Variants in ECM2 observed in about 807,000 individuals in gnomAD.
The protein encoded by ECM2 is extracellular matrix protein 2.
ECM2 carries 57 observed loss-of-function variants against 67.5 expected under a neutral mutation model. The observed-to-expected ratio is 0.84, with a 90% CI of 0.68 to 1.05. ECM2 has a LOEUF of 1.05. Among genes scored for constraint, ECM2 ranks in the 50% least tolerant of loss-of-function variants. The pLI, the probability that ECM2 is intolerant of heterozygous loss-of-function variation, is 0.00. For missense variants in ECM2, 741 were observed against 822.8 expected (o/e 0.90, Z 1.22); for synonymous variants, 258 against 294.5 (o/e 0.88, Z 1.27).
intron 1 of ECM2, among the ~76,000 whole-genome samples, chr9:92,526,593 C>A (rs1848424996): frequency 6.7e-6 from 1 of 148,448 alleles, no homozygotes; most frequent in African/African-American, 2.5e-5. Context: ...GAATAGAAAC[C>A]AAAAAAACTA....
Position 92,495,500 on chromosome 9 carries a change from T to C in ECM2, c.*815A>G, listed in dbSNP as rs1165982711. 4 of 982,984 alleles carry C rather than the reference T, an allele frequency of 4.1e-6. No individual in the cohort carries two copies. Among genetic ancestry groups the C allele is most frequent in the Non-Finnish European group, 4.8e-6 (4 of 827,756 alleles). The allele number at this position is 982,984 out of a possible 1,614,324, so 60.9% of individuals were successfully genotyped here. On this transcript the variant is annotated 3_prime_UTR_variant, in exon 10 of 10. Transcript: ENST00000344604. ...CATTAGATTTACCTTTACAAGGTTA[T>C]AGTCAAGAATAATTAATTTGTATTT...
chr9:92,545,534 C>T, the ECM2 span, among the ~76,000 whole-genome samples: 3 of 80,674 alleles, frequency 3.7e-5, no homozygotes, highest in Non-Finnish European at 6.4e-5. Flanking sequence ...GCCTCCCGCC[C>T]CGCCGGGCCC....
At chr9:92,504,893 C>A (rs1395418608) in intron 7 of ECM2, among the ~76,000 whole-genome samples, 1 of 152,110 alleles carries the variant, frequency 6.6e-6, no homozygotes, top group African/African-American at 2.4e-5. Context: ...CAGCCAAAGA[C>A]CCCCAGGAGC....
In ECM2 at chr9:92,518,002, G is replaced by A; in HGVS notation, c.293-127C>T. On this transcript the variant is annotated intron_variant, in intron 2 of 9. Transcript: ENST00000344604. ...AGAATAGAATTCTATGTGCATTCAT[G>A]TATAGGGTAAAGATGTCGTATAGAC... 4 of 1,098,156 alleles carry A rather than the reference G, an allele frequency of 3.6e-6. No homozygotes were observed. In the Middle Eastern group the frequency reaches 6.9e-4, roughly 191 times the overall value. 68.0% of individuals were successfully genotyped at this position (1,098,156 alleles called of 1,614,324 possible). A position where few individuals can be genotyped will look rare whatever the true frequency, so the allele number is the denominator to read the frequency against.
chr9:92,509,018 G>A (rs1588200786), intron 6 of ECM2, among the ~76,000 whole-genome samples: 1 of 151,844 alleles, frequency 6.6e-6, no homozygotes, highest in South Asian at 2.1e-4. Flanking sequence ...TAGAATTCAT[G>A]AAAAGTAAAA....
chr9:92,518,162 A>G (rs1319744827), intron 2 of ECM2, among the ~76,000 whole-genome samples: 2 of 152,204 alleles, frequency 1.3e-5, no homozygotes, highest in Non-Finnish European at 2.9e-5. Context: ...ATTAAATTAT[A>G]CAACATCAAC....
intron 1 of ECM2, among the ~76,000 whole-genome samples, chr9:92,534,823 C>T (rs73522343): frequency 0.012 from 1,758 of 152,278 alleles, 43 homozygotes; most frequent in African/African-American, 0.04. Flanking sequence ...CTCTGCAATG[C>T]ATGAAATGTA....
chr9:92,496,272 A>C lies in ECM2; in HGVS notation c.*43T>G. 1 of 1,537,532 alleles carries C rather than the reference A, an allele frequency of 6.5e-7. No homozygotes were observed. Among genetic ancestry groups the C allele is most frequent in the Non-Finnish European group, 8.7e-7 (1 of 1,151,812 alleles). On this transcript the variant is annotated 3_prime_UTR_variant, in exon 10 of 10. Transcript: ENST00000344604. ...ATTAATGACAAATGCAGCTACTACA[A>C]ATACATGAGTAAAGTTTATAAACAG...
intron 7 of ECM2, 77 bp from the exon 8 acceptor site, chr9:92,502,729 G>C: frequency 1.7e-6 from 2 of 1,172,276 alleles, no homozygotes; most frequent in South Asian, 3.1e-5. Context: ...CTAAAATAGT[G>C]ACATAGACTA....
chr9:92,547,585 T>C, the ECM2 span, among the ~76,000 whole-genome samples: 3 of 152,230 alleles, frequency 2.0e-5, no homozygotes, highest in South Asian at 2.1e-4. Flanking sequence ...TTGAATGATT[T>C]CATTCGTATG....
the ECM2 span, among the ~76,000 whole-genome samples, chr9:92,543,502 A>G: frequency 2.0e-4 from 26 of 128,400 alleles, no homozygotes; most frequent in African/African-American, 7.6e-4. Context: ...AAAAAAAAAG[A>G]TTGCATTAGC....
the ECM2 span, among the ~76,000 whole-genome samples, chr9:92,549,664 C>CA: frequency 2.8e-4 from 40 of 145,144 alleles, 2 homozygotes; most frequent in South Asian, 8.6e-3. Flanking sequence ...AAAAACAAAA[C>CA]AAAACAAAAC....
intron 8 of ECM2, 114 bp from the exon 9 acceptor site, chr9:92,501,167 T>C: frequency 9.6e-7 from 1 of 1,038,124 alleles, no homozygotes; most frequent in Non-Finnish European, 1.4e-6. Context: ...GCACCCAGTT[T>C]GTAGTGATGA....
At chr9:92,516,578 A>G (rs1847738608) in intron 3 of ECM2, 1 of 152,226 alleles carries the variant, frequency 6.6e-6, no homozygotes, top group South Asian at 2.1e-4. Flanking sequence ...GGAAAAAGTT[A>G]GTAAAAGGAA....
chr9:92,513,946 G>A lies in ECM2; in HGVS notation c.1054+685C>T, dbSNP rs186307017. Among the ~76,000 whole-genome samples, 40 of 152,296 alleles carry A rather than the reference G, an allele frequency of 2.6e-4. No homozygotes were observed. In the East Asian group the frequency reaches 7.1e-3, roughly 27 times the overall value. On this transcript the variant is annotated intron_variant, in intron 4 of 9. Coordinates refer to ENST00000344604, the MANE Select transcript of ECM2 (RefSeq NM_001393.4). ...TAAAGCTGATTTTTAAGAAACATCA[G>A]TAGGAAATCATCATTTGATTTGGAG...
At chr9:92,551,930 T>TATATATATATATATATATATATG in the ECM2 span, among the ~76,000 whole-genome samples, 3 of 69,530 alleles carry the variant, frequency 4.3e-5, no homozygotes, top group African/African-American at 2.7e-4. Context: ...TGTGTGTATA[T>TATATATATATATATATATATATG]ATATATATAT....
chr9:92,525,613 G>A (rs188627161), intron 1 of ECM2, among the ~76,000 whole-genome samples: 137 of 152,206 alleles, frequency 9.0e-4, no homozygotes, highest in African/African-American at 3.0e-3. Flanking sequence ...AGCACAGGCT[G>A]GGCGCGGTGG....
the ECM2 span, among the ~76,000 whole-genome samples, chr9:92,554,429 C>T: frequency 2.8e-4 from 42 of 152,110 alleles, no homozygotes; most frequent in Admixed American, 4.6e-4. Flanking sequence ...GTGATCCACC[C>T]GCATCACCCT....
intron 2 of ECM2, among the ~76,000 whole-genome samples, chr9:92,520,129 A>G (rs1341958073): frequency 6.7e-6 from 1 of 150,026 alleles, no homozygotes; most frequent in Non-Finnish European, 1.5e-5. Context: ...AGAAAAAGTT[A>G]AAAAGTTAGC....
Sources: gnomAD v4.1 joint callset for allele counts (sites outside exome capture counted in the v4.1 genomes callset) on GRCh38, gnomAD v4.1.1 for gene constraint, MANE v1.5 for transcripts, NCBI Gene and HGNC (gene_info 2026-07-23, HGNC 2026-07-21) for gene names.